Variants in PCDH15 observed in about 807,000 individuals in gnomAD.
PCDH15 encodes the protein protocadherin-15.
In PCDH15, 129 loss-of-function variants were observed where a neutral mutation model predicts 178.5. That is an observed-to-expected ratio of 0.72 (90% CI 0.63 to 0.84). The LOEUF (loss-of-function observed/expected upper bound fraction) is 0.84, where lower values mean the gene tolerates loss of function less well. PCDH15 is among the 40% of genes least tolerant of loss of function. The pLI is 0.00. For synonymous variants in PCDH15, 800 were observed against 732.0 expected (o/e 1.09, Z -1.50); for missense variants, 2,230 against 2,099.9 (o/e 1.06, Z -1.21).
intron 2 of PCDH15, among the ~76,000 whole-genome samples, chr10:55,402,702 T>A (rs1380393951): frequency 6.6e-6 from 1 of 152,040 alleles, no homozygotes; most frequent in Admixed American, 6.6e-5. Flanking sequence ...ATAAACCATA[T>A]ATTGTTTTTC....
chr10:54,815,899 T>C (rs1035314936), intron 3 of PCDH15, among the ~76,000 whole-genome samples: 1 of 152,144 alleles, frequency 6.6e-6, no homozygotes, highest in African/African-American at 2.4e-5. Flanking sequence ...GCTTGCTTTA[T>C]TGGAAAAATA....
intron 2 of PCDH15, among the ~76,000 whole-genome samples, chr10:55,066,272 C>A (rs1316859118): frequency 6.6e-6 from 1 of 151,066 alleles, no homozygotes; most frequent in Non-Finnish European, 1.5e-5. Context: ...AATCAATTCT[C>A]TGGTTAATCA....
intron 28 of PCDH15, among the ~76,000 whole-genome samples, chr10:53,847,979 T>C (rs932871839): frequency 6.6e-6 from 1 of 152,118 alleles, no homozygotes; most frequent in Non-Finnish European, 1.5e-5. Context: ...ATATAATTTA[T>C]GACTTTCTGA....
At chr10:55,186,804 T>C (rs1308456867) in intron 1 of PCDH15, among the ~76,000 whole-genome samples, 3 of 149,474 alleles carry the variant, frequency 2.0e-5, no homozygotes, top group African/African-American at 4.8e-5. Context: ...GCTGATATTG[T>C]AGCACTTCAA....
intron 23 of PCDH15, among the ~76,000 whole-genome samples, chr10:53,953,812 C>A (rs755685845): frequency 1.3e-5 from 2 of 152,008 alleles, no homozygotes; most frequent in Non-Finnish European, 2.9e-5. Flanking sequence ...TGTTCTGAGA[C>A]GAAGTCTTGC....
intron 8 of PCDH15, among the ~76,000 whole-genome samples, chr10:54,242,124 CTATTTTTATA>C (rs1262484536): frequency 8.0e-5 from 5 of 62,266 alleles, no homozygotes; most frequent in Admixed American, 2.3e-4. Context: ...GGTCTGAATT[CTATTTTTATA>C]TATATATATA....
At chr10:54,008,493 T>C (rs996044885) in intron 20 of PCDH15, among the ~76,000 whole-genome samples, 1 of 152,118 alleles carries the variant, frequency 6.6e-6, no homozygotes, top group Non-Finnish European at 1.5e-5. Flanking sequence ...ATATCTTGCT[T>C]TTTGAGGTGA....
At chr10:54,134,982 G>A (rs570463421) in intron 14 of PCDH15, among the ~76,000 whole-genome samples, 16 of 151,400 alleles carry the variant, frequency 1.1e-4, no homozygotes, top group African/African-American at 2.2e-4. Flanking sequence ...CAAGGTGAGC[G>A]ATCACAAGGT....
At chr10:54,598,594 T>C (rs1164305200) in intron 2 of PCDH15, among the ~76,000 whole-genome samples, 5 of 152,260 alleles carry the variant, frequency 3.3e-5, no homozygotes, top group African/African-American at 1.2e-4. Context: ...TTGCTATTTC[T>C]ATTCAACACA....
intron 23 of PCDH15, among the ~76,000 whole-genome samples, chr10:53,944,889 T>A (rs1325904297): frequency 6.6e-6 from 1 of 152,222 alleles, no homozygotes; most frequent in East Asian, 1.9e-4. Context: ...AGGCTTGACC[T>A]GAATTGGGTT....
chr10:54,697,948 T>C (rs1458643700), intron 1 of PCDH15, among the ~76,000 whole-genome samples: 1 of 150,394 alleles, frequency 6.6e-6, no homozygotes, highest in African/African-American at 2.4e-5. Context: ...ATCTGTACAT[T>C]CCCTTCTTAT....
In PCDH15 at chr10:54,826,531, ATG is replaced by A. The variant is rs748513997; in HGVS notation, c.-29+70917_-29+70918del. On this transcript the variant is annotated intron_variant, in intron 3 of 5. Coordinates refer to the PCDH15 transcript ENST00000458638. ...GTGGGGAATACATACATATATATGT[ATG>A]TGTGTGTGTGTGTATATGTATATAT... Among the ~76,000 whole-genome samples, 658 of 150,910 alleles carry A rather than the reference ATG, an allele frequency of 4.4e-3. 4 individuals are homozygous for A. The highest frequency in any genetic ancestry group is 0.015 in the African/African-American group (613 of 41,234).
intron 1 of PCDH15, among the ~76,000 whole-genome samples, chr10:54,773,997 A>G (rs1949389988): frequency 7.6e-6 from 1 of 132,330 alleles, no homozygotes; most frequent in African/African-American, 2.8e-5. Context: ...GAACTGGCAT[A>G]CTTCATAGGC....
intron 2 of PCDH15, among the ~76,000 whole-genome samples, chr10:55,540,054 A>AT (rs1030097189): frequency 6.6e-6 from 1 of 152,156 alleles, no homozygotes; most frequent in African/African-American, 2.4e-5. Context: ...AATATCGTTT[A>AT]TTTTTTTAAC....
At chr10:55,036,654 T>C (rs1028357996) in intron 2 of PCDH15, among the ~76,000 whole-genome samples, 1 of 152,190 alleles carries the variant, frequency 6.6e-6, no homozygotes, top group African/African-American at 2.4e-5. Flanking sequence ...TTTTGCTGCA[T>C]TCAGCAAAGT....
At chr10:55,252,257 C>T (rs903906541) in intron 1 of PCDH15, among the ~76,000 whole-genome samples, 5 of 151,994 alleles carry the variant, frequency 3.3e-5, no homozygotes, top group African/African-American at 7.2e-5. Flanking sequence ...TGTATTTTCT[C>T]GGGCAACAGA....
intron 8 of PCDH15, among the ~76,000 whole-genome samples, chr10:54,275,047 C>T (rs909703274): frequency 6.6e-6 from 1 of 151,732 alleles, no homozygotes; most frequent in Non-Finnish European, 1.5e-5. Context: ...AAATATAAAA[C>T]GTTACTTACA....
chr10:54,193,611 A>C (rs915112447), intron 11 of PCDH15, among the ~76,000 whole-genome samples: 1 of 151,996 alleles, frequency 6.6e-6, no homozygotes, highest in Non-Finnish European at 1.5e-5. Flanking sequence ...TTCAGTAGAG[A>C]CTTTTTTCCT....
chr10:54,052,332 G>A lies in PCDH15; in HGVS notation c.2220+14425C>T, dbSNP rs188469600. On this transcript the variant is annotated intron_variant, in intron 18 of 37. Coordinates refer to ENST00000644397, the MANE Select transcript of PCDH15 (RefSeq NM_001384140.1). ...AGCAGTTAGGAGGGGGGCTGTACCCGCCAAAACCAAAGGGTTGAAGCTTCC... is the reference window on the plus strand; with the variant it reads ...AGCAGTTAGGAGGGGGGCTGTACCCACCAAAACCAAAGGGTTGAAGCTTCC... 1.5e-3 allele frequency among the ~76,000 whole-genome samples: 232 copies of A among 152,276 alleles called. 1 individual carries two copies. The highest frequency in any genetic ancestry group is 5.0e-3 in the African/African-American group (208 of 41,560).
Sources: gnomAD v4.1 joint callset for allele counts (sites outside exome capture counted in the v4.1 genomes callset) on GRCh38, gnomAD v4.1.1 for gene constraint, MANE v1.5 for transcripts, NCBI Gene and HGNC (gene_info 2026-07-23, HGNC 2026-07-21) for gene names.